Variants in ISY1 observed in about 807,000 individuals in gnomAD.
ISY1 encodes ISY1 spliceosome associated protein.
ISY1 carries 12 observed loss-of-function variants against 54.4 expected under a neutral mutation model. The ratio of observed to expected loss-of-function variants is 0.22; its 90% CI spans 0.14 to 0.36. ISY1 has a LOEUF of 0.36. Among genes scored for constraint, ISY1 ranks in the 10% least tolerant of loss-of-function variants. ISY1 has a pLI of 1.00. For synonymous variants in ISY1, 96 were observed against 117.9 expected (o/e 0.81, Z 1.20); for missense variants, 282 against 342.2 (o/e 0.82, Z 1.39).
At chr3:129,139,484 T>C (rs1295304177) in intron 7 of ISY1, among the ~76,000 whole-genome samples, 1 of 152,164 alleles carries the variant, frequency 6.6e-6, no homozygotes, top group Non-Finnish European at 1.5e-5. Context: ...CCTCTCATAC[T>C]TTTTCCTATG....
At position 129,160,918 on chromosome 3, in the gene ISY1, G is replaced by GGCCCGGGGGGGGGGGGGCCCCCCCCC; in HGVS notation, c.3+54_3+55insGGGGGGGGGCCCCCCCCCCCCCGGGC. 2 of 666,128 alleles carry GGCCCGGGGGGGGGGGGGCCCCCCCCC rather than the reference G, an allele frequency of 3.0e-6. 1 individual carries two copies. Among genetic ancestry groups the GGCCCGGGGGGGGGGGGGCCCCCCCCC allele is most frequent in the Non-Finnish European group, 5.5e-6 (2 of 364,544 alleles). 41.3% of individuals were successfully genotyped at this position (666,128 alleles called of 1,614,324 possible). The stretch of plus-strand genomic sequence containing the variant: ...AATGAGCGCCCCAGGTGGACTGGGC[G>GGCCCGGGGGGGGGGGGGCCCCCCCCC]CCCCCCCGCCCGCCCGCCCATCCAC... On this transcript the variant is annotated intron_variant, in intron 1 of 10. Transcript: ENST00000393295.
At chr3:129,159,289 G>A in intron 1 of ISY1, 113 bp from the exon 2 acceptor site, 1 of 1,366,682 alleles carries the variant, frequency 7.3e-7, no homozygotes, top group Non-Finnish European at 1.0e-6. Flanking sequence ...CAAACCACTT[G>A]AAGTACTATA....
chr3:129,150,348 T>G (rs1258972102), intron 5 of ISY1, among the ~76,000 whole-genome samples: 3 of 152,166 alleles, frequency 2.0e-5, no homozygotes, highest in Admixed American at 6.6e-5. Flanking sequence ...CATTCGGGTC[T>G]TCTTTGGTTT....
intron 1 of ISY1, among the ~76,000 whole-genome samples, chr3:129,160,661 G>T (rs1460090813): frequency 6.6e-6 from 1 of 152,006 alleles, no homozygotes; most frequent in Admixed American, 6.6e-5. Flanking sequence ...CAAACAGCCG[G>T]CCCACACTAT....
At chr3:129,133,772 A>G (rs1936307180) in intron 9 of ISY1, among the ~76,000 whole-genome samples, 1 of 152,222 alleles carries the variant, frequency 6.6e-6, no homozygotes, top group Non-Finnish European at 1.5e-5. Context: ...TGATGAGGTC[A>G]TGGGCTAAAG....
At chr3:129,154,830 A>T (rs550400063) in intron 5 of ISY1, among the ~76,000 whole-genome samples, 1 of 151,818 alleles carries the variant, frequency 6.6e-6, no homozygotes, top group East Asian at 2.0e-4. Context: ...CTGGGATTAC[A>T]GGCGCCTGCC....
At chr3:129,154,457 A>C (rs1576891597) in intron 5 of ISY1, among the ~76,000 whole-genome samples, 1 of 144,540 alleles carries the variant, frequency 6.9e-6, no homozygotes, top group Non-Finnish European at 1.6e-5. Flanking sequence ...AAAAAAAAAA[A>C]AAAAAAGGAC....
rs747954372 is a variant in ISY1 at position 129,130,564 on chromosome 3, G to C, written c.736C>G (p.Pro246Ala). The C allele has an allele frequency of 6.2e-6, 10 of 1,614,074 alleles. No homozygotes were observed. The highest frequency in any genetic ancestry group is 1.3e-5 in the African/African-American group (1 of 75,022). ...TGTGGTCCTACCTCTTGCTGCGAGGGAACAGGGACGTGAGCAATGAACTTC... is the reference window on the plus strand; with the variant it reads ...TGTGGTCCTACCTCTTGCTGCGAGGCAACAGGGACGTGAGCAATGAACTTC... ...QQKFIAHVPV[P>A]SQQEIEEALV... Residue 246 changes from proline to alanine, a missense_variant, in exon 10 of 11, where the codon CCC becomes GCC. This residue lies in a region of ISY1 where 279 missense variants were observed against 323.6 expected (regional missense o/e 0.86). Coordinates refer to ENST00000393295, the MANE Select transcript of ISY1 (RefSeq NM_020701.4).
At chr3:129,154,813 C>T (rs1937087737) in intron 5 of ISY1, among the ~76,000 whole-genome samples, 1 of 151,862 alleles carries the variant, frequency 6.6e-6, no homozygotes, top group South Asian at 2.1e-4. Flanking sequence ...CTCAGCCTCC[C>T]AAGTAGCTGG....
At chr3:129,142,600 AAAAACATTTTTTT>A (rs1203556716) in intron 6 of ISY1, among the ~76,000 whole-genome samples, 1 of 152,236 alleles carries the variant, frequency 6.6e-6, no homozygotes, top group African/African-American at 2.4e-5. Context: ...CTTTGAGTTA[AAAAACATTTTTTT>A]AAATCATACA....
At chr3:129,142,625 T>C (rs756025299) in intron 6 of ISY1, among the ~76,000 whole-genome samples, 3 of 152,230 alleles carry the variant, frequency 2.0e-5, no homozygotes, top group Non-Finnish European at 2.9e-5. Context: ...AATCATACAA[T>C]TTGGCTGAGC....
At chr3:129,144,974 G>A (rs993094192) in intron 6 of ISY1, among the ~76,000 whole-genome samples, 1 of 152,116 alleles carries the variant, frequency 6.6e-6, no homozygotes, top group African/African-American at 2.4e-5. Context: ...GCAATGGCAT[G>A]ATGACAGCTC....
chr3:129,154,439 CAAAAAAA>C (rs58548903), intron 5 of ISY1, among the ~76,000 whole-genome samples: 3 of 33,408 alleles, frequency 9.0e-5, no homozygotes, highest in Admixed American at 3.8e-4. Flanking sequence ...GACTCCATCT[CAAAAAAA>C]AAAAAAAAAA....
In ISY1 at chr3:129,134,952, G is replaced by T; in HGVS notation, c.421C>A (p.Leu141Ile). Reference sequence around the variant, plus strand: ...GCACGTGTCTTTCTGGGAGGAGGAAGAGCTATAAGAAACAGAAATGGAGCT... The same window carrying T: ...GCACGTGTCTTTCTGGGAGGAGGAATAGCTATAAGAAACAGAAATGGAGCT... ...GVRELFEKEP[L>I]PPPRKTRAEL... is the part of the protein sequence containing the mutation. The change falls in exon 8 of 11, where the codon CTT (leucine) becomes ATT (isoleucine). Residue 141 changes from leucine (L) to isoleucine (I), a missense_variant and splice_region_variant. Transcript: ENST00000393295. 2 of 1,602,038 alleles carry T rather than the reference G, an allele frequency of 1.2e-6. No homozygotes were observed. Among genetic ancestry groups the T allele is most frequent in the South Asian group, 1.1e-5 (1 of 89,410 alleles).
chr3:129,129,942 G>C lies in ISY1; in HGVS notation c.*139C>G, dbSNP rs868121494. 1 of 616,492 alleles carries C rather than the reference G, an allele frequency of 1.6e-6. No homozygotes were observed. Among genetic ancestry groups the C allele is most frequent in the East Asian group, 2.9e-5 (1 of 34,462 alleles). 38.2% of individuals were successfully genotyped at this position (616,492 alleles called of 1,614,324 possible). A position where few individuals can be genotyped will look rare whatever the true frequency, so the allele number is the denominator to read the frequency against. ...GACCAGGGACAGACCCCTACCCTCC[G>C]GTCAACATGAGACAAGGAGAGGGAA... On this transcript the variant is annotated 3_prime_UTR_variant, in exon 11 of 11. Transcript: ENST00000393295.
intron 6 of ISY1, among the ~76,000 whole-genome samples, chr3:129,142,741 T>A (rs1307693822): frequency 6.6e-6 from 1 of 150,944 alleles, no homozygotes; most frequent in Non-Finnish European, 1.5e-5. Context: ...GGGACACCAT[T>A]TCTACAAAAA....
intron 7 of ISY1, among the ~76,000 whole-genome samples, chr3:129,136,534 G>C (rs1560014671): frequency 6.6e-6 from 1 of 151,090 alleles, no homozygotes; most frequent in African/African-American, 2.4e-5. Flanking sequence ...ACGGAGTCTC[G>C]CTCTTGTTGC....
chr3:129,140,599 G>A, intron 6 of ISY1, 114 bp from the exon 7 acceptor site: 9 of 1,167,880 alleles, frequency 7.7e-6, no homozygotes, highest in Non-Finnish European at 1.1e-5. Context: ...TATTTGAGGT[G>A]GAGTCTCGCT....
intron 5 of ISY1, among the ~76,000 whole-genome samples, chr3:129,154,660 A>T (rs1937080791): frequency 6.7e-6 from 1 of 150,084 alleles, no homozygotes; most frequent in African/African-American, 2.4e-5. Context: ...TTTCTTGGTC[A>T]GTCTGACTAG....
Sources: allele counts gnomAD v4.1 joint callset (sites outside exome capture counted in the v4.1 genomes callset), GRCh38; gene constraint gnomAD v4.1.1; regional missense constraint gnomAD v4.1.1; transcripts MANE v1.5; gene names NCBI Gene and HGNC (gene_info 2026-07-23, HGNC 2026-07-21).